The following KCNIP4 variants were observed in gnomAD, a reference collection of about 807,000 sequenced individuals.
The protein encoded by KCNIP4 is potassium voltage-gated channel interacting protein 4.
A neutral mutation model predicts 34.0 loss-of-function variants in KCNIP4; 12 were observed. That is an observed-to-expected ratio of 0.35 (90% CI 0.23 to 0.57). The LOEUF is 0.57. KCNIP4 is among the 20% of genes least tolerant of loss of function. KCNIP4 has a pLI of 0.83. For missense variants in KCNIP4, 238 were observed against 311.7 expected (o/e 0.76, Z 1.78); for synonymous variants, 124 against 102.2 (o/e 1.21, Z -1.29).
At chr4:21,130,598 C>A (rs565835475) in intron 1 of KCNIP4, among the ~76,000 whole-genome samples, 2 of 152,214 alleles carry the variant, frequency 1.3e-5, no homozygotes, top group East Asian at 3.9e-4. Context: ...CTAGAATTGT[C>A]CATGTAGGAG....
intron 1 of KCNIP4, among the ~76,000 whole-genome samples, chr4:21,250,932 T>C (rs1760654667): frequency 6.6e-6 from 1 of 151,096 alleles, no homozygotes; most frequent in African/African-American, 2.4e-5. Context: ...TATATTTAAA[T>C]ATACATATAC....
chr4:21,512,493 CA>C (rs545020423), intron 1 of KCNIP4, among the ~76,000 whole-genome samples: 34 of 147,800 alleles, frequency 2.3e-4, no homozygotes, highest in African/African-American at 5.9e-4. Context: ...TAAAAGATGA[CA>C]AAAAAAAAAT....
At chr4:21,788,230 A>C (rs1410062885) in intron 1 of KCNIP4, among the ~76,000 whole-genome samples, 3 of 152,206 alleles carry the variant, frequency 2.0e-5, no homozygotes, top group Non-Finnish European at 4.4e-5. Flanking sequence ...ATTAGAGATT[A>C]TTAAGCAATG....
At chr4:21,576,365 G>A (rs1051671636) in intron 1 of KCNIP4, among the ~76,000 whole-genome samples, 21 of 152,084 alleles carry the variant, frequency 1.4e-4, no homozygotes, top group South Asian at 8.3e-4. Flanking sequence ...ATAAACCAAG[G>A]TCACGTCGGC....
intron 1 of KCNIP4, among the ~76,000 whole-genome samples, chr4:20,901,552 A>G (rs568871389): frequency 6.6e-6 from 1 of 152,304 alleles, no homozygotes; most frequent in East Asian, 1.9e-4. Flanking sequence ...TGAATGAGGG[A>G]TAAGTAGAGG....
intron 1 of KCNIP4, among the ~76,000 whole-genome samples, chr4:21,805,213 T>C (rs1475807766): frequency 6.6e-6 from 1 of 152,190 alleles, no homozygotes; most frequent in Non-Finnish European, 1.5e-5. Context: ...TCAATAAAGC[T>C]ATTACCAAAC....
At position 21,472,642 on chromosome 4, in the gene KCNIP4, C is replaced by T. The variant is rs1488104294; in HGVS notation, c.61+475929G>A. On this transcript the variant is annotated intron_variant, in intron 1 of 8. Transcript: ENST00000382152. ...TGAGGAAACTGGTGTTTTTTCTTCC[C>T]CTTGGCTTCTCTTCAAGGAGATACT... Among the ~76,000 whole-genome samples, 3 of 152,078 alleles carry T rather than the reference C, an allele frequency of 2.0e-5. No homozygotes were observed. In the South Asian group the frequency reaches 6.2e-4, roughly 32 times the overall value.
At chr4:20,825,741 C>CTAT (rs1717679796) in intron 3 of KCNIP4, among the ~76,000 whole-genome samples, 1 of 152,078 alleles carries the variant, frequency 6.6e-6, no homozygotes, top group African/African-American at 2.4e-5. Flanking sequence ...CATGGGTGTG[C>CTAT]TCTTCTTAGG....
At chr4:21,116,743 C>T (rs1003918590) in intron 1 of KCNIP4, among the ~76,000 whole-genome samples, 1 of 152,204 alleles carries the variant, frequency 6.6e-6, no homozygotes. Flanking sequence ...CTCACTATAA[C>T]ATGCCCTGCC....
At chr4:21,640,234 C>T (rs186935727) in intron 1 of KCNIP4, among the ~76,000 whole-genome samples, 23 of 152,264 alleles carry the variant, frequency 1.5e-4, no homozygotes, top group African/African-American at 4.1e-4. Context: ...TTATCTTGGG[C>T]GACTGAGGGC....
intron 1 of KCNIP4, among the ~76,000 whole-genome samples, chr4:21,572,366 C>T (rs750856876): frequency 3.9e-5 from 6 of 152,238 alleles, no homozygotes; most frequent in East Asian, 1.9e-4. Context: ...CTTCCTGTAA[C>T]GTGTTCAAAT....
chr4:21,392,653 T>G (rs1332260604), intron 1 of KCNIP4, among the ~76,000 whole-genome samples: 1 of 152,214 alleles, frequency 6.6e-6, no homozygotes, highest in African/African-American at 2.4e-5. Flanking sequence ...AATTTTTAGC[T>G]TCATAGCTTT....
At chr4:20,833,356 A>T (rs1211492720) in intron 3 of KCNIP4, among the ~76,000 whole-genome samples, 1 of 152,070 alleles carries the variant, frequency 6.6e-6, no homozygotes, top group Non-Finnish European at 1.5e-5. Context: ...GTGGTGGCAC[A>T]TGCCTGTAGT....
chr4:20,801,570 C>A (rs1446899789), intron 3 of KCNIP4, among the ~76,000 whole-genome samples: 1 of 151,950 alleles, frequency 6.6e-6, no homozygotes, highest in East Asian at 1.9e-4. Context: ...GAGTAAAAGT[C>A]TAGAGTTTTT....
chr4:21,330,892 C>G (rs1038046049), intron 1 of KCNIP4, among the ~76,000 whole-genome samples: 2 of 152,136 alleles, frequency 1.3e-5, no homozygotes, highest in Admixed American at 1.3e-4. Context: ...TCACTTGTGG[C>G]AGGAATCAAT....
At chr4:21,772,640 TTAGTCTTGG>T (rs1560703085) in intron 1 of KCNIP4, among the ~76,000 whole-genome samples, 1 of 152,146 alleles carries the variant, frequency 6.6e-6, no homozygotes, top group Non-Finnish European at 1.5e-5. Flanking sequence ...GCTTCCTGGT[TTAGTCTTGG>T]TAGGGTGTAT....
chr4:21,225,472 G>C lies in KCNIP4; in HGVS notation c.62-342763C>G, dbSNP rs186120749. ...TTATAACTATGGATCCATAGTTATGGATCAATATAGTTGTGATTATAACTA... is the reference window on the plus strand; with the variant it reads ...TTATAACTATGGATCCATAGTTATGCATCAATATAGTTGTGATTATAACTA... On this transcript the variant is annotated intron_variant, in intron 1 of 8. Coordinates refer to ENST00000382152, the MANE Select transcript of KCNIP4 (RefSeq NM_025221.6). Among the ~76,000 whole-genome samples, 173 of 152,210 alleles carry C rather than the reference G, an allele frequency of 1.1e-3. 2 individuals are homozygous for C. The highest frequency in any genetic ancestry group is 6.2e-3 in the East Asian group (32 of 5,168).
intron 3 of KCNIP4, among the ~76,000 whole-genome samples, chr4:20,774,016 G>A (rs1756146223): frequency 6.6e-6 from 1 of 152,144 alleles, no homozygotes; most frequent in Non-Finnish European, 1.5e-5. Flanking sequence ...GCTTGAGCCT[G>A]CTTTGCTGTT....
intron 1 of KCNIP4, among the ~76,000 whole-genome samples, chr4:21,370,764 G>A (rs1192173191): frequency 5.3e-5 from 6 of 113,154 alleles, no homozygotes; most frequent in Non-Finnish European, 1.6e-5. Flanking sequence ...AAAATGACTG[G>A]CATGTTGGAG....
Sources: allele counts gnomAD v4.1 joint callset (sites outside exome capture counted in the v4.1 genomes callset), GRCh38; gene constraint gnomAD v4.1.1; transcripts MANE v1.5; gene names NCBI Gene and HGNC (gene_info 2026-07-23, HGNC 2026-07-21).